Variants in DOCK4 observed in about 807,000 individuals in gnomAD.
The protein encoded by DOCK4 is dedicator of cytokinesis protein 4.
In DOCK4, 97 loss-of-function variants were observed where a neutral mutation model predicts 268.1. The observed-to-expected ratio is 0.36, with a 90% CI of 0.31 to 0.43. The LOEUF is 0.43. Ranked by LOEUF, DOCK4 falls within the 20% of genes least tolerant of loss-of-function variation. The pLI, the probability that DOCK4 is intolerant of heterozygous loss-of-function variation, is 1.00. For missense variants in DOCK4, 2,145 were observed against 2,455.7 expected (o/e 0.87, Z 2.67); for synonymous variants, 954 against 887.2 (o/e 1.08, Z -1.34).
chr7:112,186,344 C>A (rs1003898642), intron 1 of DOCK4, among the ~76,000 whole-genome samples: 4 of 152,204 alleles, frequency 2.6e-5, no homozygotes, highest in African/African-American at 4.8e-5. Flanking sequence ...CTACAACATA[C>A]TGACTAAGAA....
chr7:112,107,024 T>C (rs896419523), intron 1 of DOCK4, among the ~76,000 whole-genome samples: 1 of 152,240 alleles, frequency 6.6e-6, no homozygotes, highest in African/African-American at 2.4e-5. Flanking sequence ...ATAACTACAC[T>C]AAATTTTTGA....
intron 1 of DOCK4, among the ~76,000 whole-genome samples, chr7:112,134,391 G>A (rs1001022435): frequency 6.6e-6 from 1 of 152,140 alleles, no homozygotes; most frequent in African/African-American, 2.4e-5. Context: ...GGTATAAAAA[G>A]TGTTTTTACT....
chr7:111,794,416 A>T (rs1423173592), intron 30 of DOCK4, among the ~76,000 whole-genome samples: 1 of 152,136 alleles, frequency 6.6e-6, no homozygotes, highest in Non-Finnish European at 1.5e-5. Context: ...CATGGGGGAA[A>T]CCTGTGGCAA....
intron 7 of DOCK4, among the ~76,000 whole-genome samples, chr7:111,977,884 TCTAA>T (rs771661981): frequency 2.7e-4 from 41 of 152,296 alleles, no homozygotes; most frequent in Admixed American, 5.9e-4. Flanking sequence ...CAGCAAGGTG[TCTAA>T]AGCTAAGAAT....
At chr7:111,891,055 C>T (rs1014522650) in intron 16 of DOCK4, among the ~76,000 whole-genome samples, 2 of 152,046 alleles carry the variant, frequency 1.3e-5, no homozygotes, top group South Asian at 2.1e-4. Context: ...CCTTCAAAAC[C>T]TTACCATAAA....
chr7:111,759,354 G>A (rs1002021916), intron 40 of DOCK4, among the ~76,000 whole-genome samples: 2 of 152,002 alleles, frequency 1.3e-5, no homozygotes, highest in Admixed American at 1.3e-4. Flanking sequence ...TCATATGCAG[G>A]GTGTTTAGTT....
intron 1 of DOCK4, among the ~76,000 whole-genome samples, chr7:112,079,219 G>C (rs1808365257): frequency 6.6e-6 from 1 of 152,118 alleles, no homozygotes; most frequent in African/African-American, 2.4e-5. Context: ...ACAAATACAA[G>C]TGAATTCCTG....
Position 111,945,807 on chromosome 7 carries a change from G to C in DOCK4, c.702-9C>G. Reference sequence around the variant, plus strand: ...TCAAGAAAAATCTCTCACTACAAGAGAAAAAATGTTTAACAATTTGAAAAT... The same window carrying C: ...TCAAGAAAAATCTCTCACTACAAGACAAAAAATGTTTAACAATTTGAAAAT... On this transcript the variant is annotated splice_polypyrimidine_tract_variant and intron_variant, in intron 8 of 52. Coordinates refer to ENST00000428084, the MANE Select transcript of DOCK4 (RefSeq NM_001363540.2). 6.4e-7 allele frequency: 1 copy of C among 1,567,338 alleles called. No individual in the cohort carries two copies. The highest frequency in any genetic ancestry group is 8.7e-7 in the Non-Finnish European group (1 of 1,155,132).
In DOCK4 at chr7:111,844,916, A is replaced by G. The variant is rs369492955; in HGVS notation, c.2602-19T>C. 37 of 1,601,920 alleles carry G rather than the reference A, an allele frequency of 2.3e-5. No individual in the cohort carries two copies. The highest frequency in any genetic ancestry group is 4.5e-5 in the South Asian group (4 of 88,772). ...ATTTTTCCTTAAGAGAAAAAAAATAATATGTTCAGGAAACTGGGGTTTAAC... is the reference window on the plus strand; with the variant it reads ...ATTTTTCCTTAAGAGAAAAAAAATAGTATGTTCAGGAAACTGGGGTTTAAC... On this transcript the variant is annotated intron_variant, in intron 24 of 52. Coordinates refer to ENST00000428084, the MANE Select transcript of DOCK4 (RefSeq NM_001363540.2).
intron 8 of DOCK4, among the ~76,000 whole-genome samples, chr7:111,949,749 T>G (rs1313092758): frequency 1.3e-5 from 2 of 152,212 alleles, no homozygotes; most frequent in African/African-American, 4.8e-5. Flanking sequence ...TCTGCTTTAG[T>G]GATACAGCCA....
At chr7:111,782,958 C>G (rs1029383352) in intron 34 of DOCK4, 34 bp from the exon 35 acceptor site, 9 of 1,575,476 alleles carry the variant, frequency 5.7e-6, no homozygotes, top group Non-Finnish European at 7.8e-6. Flanking sequence ...GAACTCAGAA[C>G]TTCCTTCCTA....
chr7:112,087,476 T>C (rs1305467439), intron 1 of DOCK4, among the ~76,000 whole-genome samples: 2 of 152,100 alleles, frequency 1.3e-5, no homozygotes, highest in Non-Finnish European at 2.9e-5. Flanking sequence ...GACGCCTATA[T>C]AAACATGATA....
chr7:111,826,014 C>T (rs1424216993), intron 26 of DOCK4, among the ~76,000 whole-genome samples: 1 of 152,160 alleles, frequency 6.6e-6, no homozygotes, highest in Admixed American at 6.5e-5. Flanking sequence ...TTTATTTATT[C>T]ATGCAGCAGG....
At chr7:112,135,177 T>C (rs1790928192) in intron 1 of DOCK4, among the ~76,000 whole-genome samples, 1 of 152,178 alleles carries the variant, frequency 6.6e-6, no homozygotes, top group Non-Finnish European at 1.5e-5. Flanking sequence ...TTTATATTAC[T>C]AAATTGAAAG....
At chr7:112,114,328 T>C (rs1359966280) in intron 1 of DOCK4, among the ~76,000 whole-genome samples, 1 of 152,238 alleles carries the variant, frequency 6.6e-6, no homozygotes, top group Admixed American at 6.5e-5. Context: ...GTTGGTATGC[T>C]GTTATGTTCT....
intron 1 of DOCK4, among the ~76,000 whole-genome samples, chr7:112,197,884 T>TTTGCAGGTATCTCAAAAA (rs1162734739): frequency 1.3e-5 from 2 of 151,752 alleles, no homozygotes; most frequent in African/African-American, 2.4e-5. Flanking sequence ...ACCTGAATGT[T>TTTGCAGGTATCTCAAAAA]TTGCAGGTAT....
intron 23 of DOCK4, among the ~76,000 whole-genome samples, chr7:111,857,404 C>T (rs1242481957): frequency 2.6e-5 from 4 of 152,040 alleles, no homozygotes; most frequent in African/African-American, 9.7e-5. Flanking sequence ...TAAAAAAATT[C>T]CTACCCTAAA....
At chr7:112,033,111 C>A (rs73432731) in intron 1 of DOCK4, among the ~76,000 whole-genome samples, 3,243 of 152,082 alleles carry the variant, frequency 0.021, 110 homozygotes, top group African/African-American at 0.074. Context: ...TTTTATACTG[C>A]ACATATTTCT....
chr7:112,179,487 T>C (rs1255805853), intron 1 of DOCK4, among the ~76,000 whole-genome samples: 1 of 150,848 alleles, frequency 6.6e-6, no homozygotes, highest in Non-Finnish European at 1.5e-5. Flanking sequence ...GTTACAGGAG[T>C]TTCAGCAAAG....
Sources: gnomAD v4.1 joint callset for allele counts (sites outside exome capture counted in the v4.1 genomes callset) on GRCh38, gnomAD v4.1.1 for gene constraint, MANE v1.5 for transcripts, NCBI Gene and HGNC (gene_info 2026-07-23, HGNC 2026-07-21) for gene names.